NPY: variants seen among roughly 807,000 people sequenced by gnomAD.
NPY encodes neuropeptide Y.
In NPY, 11 loss-of-function variants were observed where a neutral mutation model predicts 13.2. That is an observed-to-expected ratio of 0.83 (90% CI 0.52 to 1.38). The LOEUF is 1.38. Ranked by LOEUF, NPY falls within the 40% of genes most tolerant of loss-of-function variation. The pLI, the probability that NPY is intolerant of heterozygous loss-of-function variation, is 0.00. For missense variants in NPY, 109 were observed against 125.1 expected (o/e 0.87, Z 0.61); for synonymous variants, 51 against 55.6 (o/e 0.92, Z 0.37).
chr7:24,289,499 A>G lies in NPY; in HGVS notation c.189A>G (p.Arg63=). 6.3e-7 allele frequency: 1 copy of G among 1,583,682 alleles called. No homozygotes were observed. Among genetic ancestry groups the G allele is most frequent in the Non-Finnish European group, 8.6e-7 (1 of 1,167,728 alleles). ...RHYINLITRQ[R]YGKRSSPETL... Reference sequence around the variant, plus strand: ...CTTTAAAAGACTTTTTTTTTTCCAGATATGGAAAACGATCCAGCCCAGAGA... The same window carrying G: ...CTTTAAAAGACTTTTTTTTTTCCAGGTATGGAAAACGATCCAGCCCAGAGA... Residue 63 remains arginine, a splice_region_variant and synonymous_variant, in exon 3 of 4, where the codon AGA becomes AGG. Transcript: ENST00000242152.
chr7:24,288,300 G>A (rs1787467413), intron 2 of NPY, among the ~76,000 whole-genome samples: 2 of 152,092 alleles, frequency 1.3e-5, no homozygotes, highest in African/African-American at 4.8e-5. Flanking sequence ...AAATCTTTGA[G>A]AAAATCTCAC....
chr7:24,284,810 T>C (rs1214020550), intron 1 of NPY: 2 of 223,544 alleles, frequency 8.9e-6, no homozygotes, highest in African/African-American at 4.7e-5. Context: ...TGATCTCTGC[T>C]GTCAGCGTTG....
chr7:24,291,427 G>C (rs893907710), intron 3 of NPY, among the ~76,000 whole-genome samples: 2 of 152,138 alleles, frequency 1.3e-5, no homozygotes, highest in African/African-American at 2.4e-5. Context: ...TGCTCTCTCT[G>C]ATGTTTGCCC....
chr7:24,288,481 C>T (rs936174458), intron 2 of NPY, among the ~76,000 whole-genome samples: 21 of 152,198 alleles, frequency 1.4e-4, no homozygotes, highest in African/African-American at 4.6e-4. Context: ...CCAATCCATA[C>T]CAGACTAATT....
chr7:24,288,315 G>T (rs953213071), intron 2 of NPY, among the ~76,000 whole-genome samples: 1 of 152,188 alleles, frequency 6.6e-6, no homozygotes, highest in Non-Finnish European at 1.5e-5. Context: ...TCTCACACAT[G>T]ATGGGAGTGG....
chr7:24,286,893 A>G (rs1269631098), intron 2 of NPY, among the ~76,000 whole-genome samples: 2 of 151,946 alleles, frequency 1.3e-5, no homozygotes, highest in Admixed American at 1.3e-4. Context: ...TAGCTGTAGC[A>G]TAATACACAG....
In NPY at chr7:24,285,285, C is replaced by T. The variant is rs776829790; in HGVS notation, c.45C>T (p.Ala15=). ...KRLGLSGLTL[A]LSLLVCLGAL... ...TGGGGCTGTCCGGACTGACCCTCGCCCTGTCCCTGCTCGTGTGCCTGGGTG... is the reference window on the plus strand; with the variant it reads ...TGGGGCTGTCCGGACTGACCCTCGCTCTGTCCCTGCTCGTGTGCCTGGGTG... The change falls in exon 2 of 4, where the codon GCC becomes GCT. Residue 15 remains alanine (A), a synonymous_variant. Coordinates refer to ENST00000242152, the MANE Select transcript of NPY (RefSeq NM_000905.4). The surrounding 1 kb of genome is among the most constrained non-coding windows in gnomAD (Gnocchi z 4.9). 3 of 1,614,096 alleles carry T rather than the reference C, an allele frequency of 1.9e-6. No individual in the cohort carries two copies. Among genetic ancestry groups the T allele is most frequent in the East Asian group, 2.2e-5 (1 of 44,864 alleles).
intron 3 of NPY, among the ~76,000 whole-genome samples, chr7:24,290,677 C>A (rs1787566141): frequency 6.6e-6 from 1 of 151,434 alleles, no homozygotes; most frequent in African/African-American, 2.4e-5. Flanking sequence ...GTGCTCCTGT[C>A]CCTGGAGGAA....
At position 24,285,474 on chromosome 7, in the gene NPY, C is replaced by A; in HGVS notation, c.188+46C>A. 6.4e-7 allele frequency: 1 copy of A among 1,568,390 alleles called. No individual in the cohort carries two copies. Among genetic ancestry groups the A allele is most frequent in the South Asian group, 1.1e-5 (1 of 87,758 alleles). On this transcript the variant is annotated intron_variant, in intron 2 of 3. Coordinates refer to ENST00000242152, the MANE Select transcript of NPY (RefSeq NM_000905.4). The surrounding 1 kb of genome is among the most constrained non-coding windows in gnomAD (Gnocchi z 4.9). The stretch of plus-strand genomic sequence containing the variant: ...GATTCCGGGAGCGCCAGTGCCTGCA[C>A]ACCAGGAGATCCTGGGGATGTTAGG...
chr7:24,289,553 A>G lies in NPY; in HGVS notation c.243A>G (p.Glu81=). Residue 81 remains glutamate, a synonymous_variant, in exon 3 of 4, where the codon GAA becomes GAG. Transcript: ENST00000242152. Reference sequence around the variant, plus strand: ...TGATTTCAGACCTCTTGATGAGAGAAAGCACAGAAAATGTTCCCAGAACTC... The same window carrying G: ...TGATTTCAGACCTCTTGATGAGAGAGAGCACAGAAAATGTTCCCAGAACTC... ...ETLISDLLMR[E]STENVPRTRL... The G allele has an allele frequency of 6.2e-7, 1 of 1,611,008 alleles. No individual in the cohort carries two copies. Among genetic ancestry groups the G allele is most frequent in the Non-Finnish European group, 8.5e-7 (1 of 1,178,438 alleles).
In NPY at chr7:24,285,201, G is replaced by A; in HGVS notation, c.1-40G>A. On this transcript the variant is annotated intron_variant, in intron 1 of 3. Transcript: ENST00000242152. The surrounding 1 kb of genome is among the most constrained non-coding windows in gnomAD (Gnocchi z 4.9). ...GGGAGGTGCTGCGCGTGGGTGCTCT[G>A]AATCCCCAAGCCCGTCCGTTGAGCC... 1 of 1,610,794 alleles carries A rather than the reference G, an allele frequency of 6.2e-7. No individual in the cohort carries two copies. The highest frequency in any genetic ancestry group is 8.5e-7 in the Non-Finnish European group (1 of 1,177,572).
chr7:24,291,768 A>G lies in NPY; in HGVS notation c.*81A>G. On this transcript the variant is annotated 3_prime_UTR_variant, in exon 4 of 4. Coordinates refer to ENST00000242152, the MANE Select transcript of NPY (RefSeq NM_000905.4). ...TGTAAAACGAGAATCCACCCATCCT[A>G]CCAATGCATGCAGCCACTGTGCTGA... 1 of 1,476,898 alleles carries G rather than the reference A, an allele frequency of 6.8e-7. No individual in the cohort carries two copies. The highest frequency in any genetic ancestry group is 9.5e-7 in the Non-Finnish European group (1 of 1,055,994). 91.5% of individuals were successfully genotyped at this position (1,476,898 alleles called of 1,614,324 possible).
rs5571 is a variant in NPY, at chr7:24,285,304, C to T, written c.64C>T (p.Leu22=). 5.0e-6 allele frequency: 8 copies of T among 1,614,064 alleles called. No homozygotes were observed. The South Asian group carries it at 7.7e-5, about 16-fold the overall frequency. ...LTLALSLLVC[L]GALAEAYPSK... ...CCTCGCCCTGTCCCTGCTCGTGTGC[C>T]TGGGTGCGCTGGCCGAGGCGTACCC... The change falls in exon 2 of 4, where the codon CTG becomes TTG. Residue 22 remains leucine (L), a synonymous_variant. Coordinates refer to ENST00000242152, the MANE Select transcript of NPY (RefSeq NM_000905.4). The surrounding 1 kb of genome is among the most constrained non-coding windows in gnomAD (Gnocchi z 4.9).
intron 2 of NPY, among the ~76,000 whole-genome samples, chr7:24,286,614 T>G (rs190019285): frequency 1.3e-5 from 2 of 152,330 alleles, no homozygotes; most frequent in African/African-American, 4.8e-5. Flanking sequence ...AAAAAGGTAT[T>G]TAACATCCTA....
At position 24,285,763 on chromosome 7, in the gene NPY, A is replaced by C. The variant is rs1787342939; in HGVS notation, c.188+335A>C. The stretch of plus-strand genomic sequence containing the variant: ...CGGTCCAGAAATCTCGAAAGTACCC[A>C]GTGAAAGGGGCAAGAATGCGCCAGA... On this transcript the variant is annotated intron_variant, in intron 2 of 3. Transcript: ENST00000242152. This position sits in a 1 kb window ranked among gnomAD's most constrained non-coding sequence, Gnocchi z 4.9. Among the ~76,000 whole-genome samples, 2 of 152,084 alleles carry C rather than the reference A, an allele frequency of 1.3e-5. No homozygotes were observed. The highest frequency in any genetic ancestry group is 2.9e-5 in the Non-Finnish European group (2 of 68,012).
chr7:24,291,743 T>C lies in NPY; in HGVS notation c.*56T>C. The C allele has an allele frequency of 1.2e-6, 2 of 1,607,136 alleles. No homozygotes were observed. The highest frequency in any genetic ancestry group is 2.2e-5 in the East Asian group (1 of 44,854). ...CCTATTTTCAGCCCATATTTCATCG[T>C]GTAAAACGAGAATCCACCCATCCTA... On this transcript the variant is annotated 3_prime_UTR_variant, in exon 4 of 4. Transcript: ENST00000242152.
chr7:24,285,530 TC>T lies in NPY; in HGVS notation c.188+105del. ...GGATTGTTTCTTTTCCTTCGCTCTA[TC>T]CCAGGGCAGGACAGTATCAGGCACT... On this transcript the variant is annotated intron_variant, in intron 2 of 3. Transcript: ENST00000242152. The surrounding 1 kb of genome is among the most constrained non-coding windows in gnomAD (Gnocchi z 4.9). 1 of 1,245,638 alleles carries T rather than the reference TC, an allele frequency of 8.0e-7. No individual in the cohort carries two copies. Among genetic ancestry groups the T allele is most frequent in the Non-Finnish European group, 1.1e-6 (1 of 894,372 alleles). The allele number at this position is 1,245,638 out of a possible 1,614,324, so 77.2% of individuals were successfully genotyped here. A position where few individuals can be genotyped will look rare whatever the true frequency, so the allele number is the denominator to read the frequency against.
chr7:24,284,593 C>G (rs564395120), intron 1 of NPY, among the ~76,000 whole-genome samples: 256 of 152,330 alleles, frequency 1.7e-3, no homozygotes, highest in Non-Finnish European at 2.7e-3. Context: ...CTGGCGGTCT[C>G]CCTGCGGGTC....
At chr7:24,288,591 G>A (rs1242404009) in intron 2 of NPY, among the ~76,000 whole-genome samples, 3 of 147,160 alleles carry the variant, frequency 2.0e-5, no homozygotes, top group East Asian at 2.1e-4. Context: ...TTGTCTGGCC[G>A]TTTTGTAGTG....
Sources: allele counts gnomAD v4.1 joint callset (sites outside exome capture counted in the v4.1 genomes callset), GRCh38; gene constraint gnomAD v4.1.1; non-coding constraint Gnocchi (gnomAD v3.1); transcripts MANE v1.5; gene names NCBI Gene and HGNC (gene_info 2026-07-23, HGNC 2026-07-21).